Variants in ARSK observed in about 807,000 individuals in gnomAD.
The protein encoded by ARSK is arylsulfatase family member K.
In ARSK, 37 loss-of-function variants were observed where a neutral mutation model predicts 53.2. The ratio of observed to expected loss-of-function variants is 0.70; its 90% CI spans 0.54 to 0.92. The LOEUF (loss-of-function observed/expected upper bound fraction) is 0.92. Ranked by LOEUF, ARSK falls within the 40% of genes least tolerant of loss-of-function variation. The pLI, the probability that ARSK is intolerant of heterozygous loss-of-function variation, is 0.00. For synonymous variants in ARSK, 208 were observed against 223.2 expected (o/e 0.93, Z 0.61); for missense variants, 613 against 643.0 (o/e 0.95, Z 0.51).
chr5:95,557,855 A>G (rs1748552440), intron 1 of ARSK, among the ~76,000 whole-genome samples: 1 of 152,260 alleles, frequency 6.6e-6, no homozygotes, highest in Non-Finnish European at 1.5e-5. Flanking sequence ...TAAACTATAC[A>G]TAAAAACTAT....
At chr5:95,600,583 A>T in intron 6 of ARSK, 2 of 602,554 alleles carry the variant, frequency 3.3e-6, no homozygotes, top group Non-Finnish European at 6.2e-6. Context: ...ACCTAAAATG[A>T]ACCTAATAAA....
At position 95,583,065 on chromosome 5, in the gene ARSK, A is replaced by G. The variant is rs765909660; in HGVS notation, c.566A>G (p.Lys189Arg). ...NTDKAVNWLR[K>R]EAINYTEPFV... The stretch of plus-strand genomic sequence containing the variant: ...GACAAAGCAGTAAACTGGTTAAGAA[A>G]GGAAGCAATTAATTACACTGAACCA... The change falls in exon 4 of 8, where the codon AAG becomes AGG. Residue 189 changes from lysine (K) to arginine (R), a missense_variant. By Grantham distance (26) the Lys-to-Arg change is conservative. Coordinates refer to ENST00000380009, the MANE Select transcript of ARSK (RefSeq NM_198150.3). 1.2e-5 allele frequency: 19 copies of G among 1,613,760 alleles called. No homozygotes were observed. The Admixed American group carries it at 2.8e-4, about 24-fold the overall frequency.
At chr5:95,589,136 C>T (rs918004558) in intron 5 of ARSK, among the ~76,000 whole-genome samples, 1 of 152,226 alleles carries the variant, frequency 6.6e-6, no homozygotes, top group Non-Finnish European at 1.5e-5. Flanking sequence ...TCTTCCCCAA[C>T]CACTCTAACT....
intron 2 of ARSK, 47 bp downstream of exon 2, chr5:95,566,174 A>G (rs1240565027): frequency 1.3e-6 from 2 of 1,592,238 alleles, no homozygotes; most frequent in Admixed American, 1.8e-5. Context: ...TACACACTGA[A>G]AATATATTCA....
At chr5:95,591,707 G>A in intron 6 of ARSK, 82 bp downstream of exon 6, 3 of 1,388,968 alleles carry the variant, frequency 2.2e-6, no homozygotes, top group African/African-American at 1.4e-5. Context: ...CAGTCTTTCA[G>A]TTAGTAGTCA....
At chr5:95,560,963 C>T (rs747906049) in intron 1 of ARSK, among the ~76,000 whole-genome samples, 1 of 152,094 alleles carries the variant, frequency 6.6e-6, no homozygotes, top group East Asian at 1.9e-4. Context: ...CGCCACCACA[C>T]CCAGATAATT....
chr5:95,600,976 G>A lies in ARSK; in HGVS notation c.1226G>A (p.Gly409Glu), dbSNP rs779878421. The A allele has an allele frequency of 6.2e-7, 1 of 1,613,940 alleles. No individual in the cohort carries two copies. The highest frequency in any genetic ancestry group is 1.7e-5 in the Admixed American group (1 of 60,000). The change falls in exon 7 of 8, where the codon GGA (glycine) becomes GAA (glutamate). Residue 409 changes from glycine to glutamate, a missense_variant. By Grantham distance (98) the Gly-to-Glu change is moderately conservative. Transcript: ENST00000380009. The part of the protein sequence containing the change: ...HPPWILSEFH[G>E]CNVNASTYML... ...CCCTGGATTCTGAGTGAATTCCATGGATGTAATGTGAATGCCTCCACCTAC... is the reference window on the plus strand; with the variant it reads ...CCCTGGATTCTGAGTGAATTCCATGAATGTAATGTGAATGCCTCCACCTAC...
Position 95,576,361 on chromosome 5 carries a change from G to A in ARSK, c.417-6555G>A, listed in dbSNP as rs367552482. Among the ~76,000 whole-genome samples the A allele has an allele frequency of 4.0e-5, 6 of 151,620 alleles. No individual in the cohort carries two copies. In the South Asian group the frequency reaches 1.0e-3, roughly 26 times the overall value. On this transcript the variant is annotated intron_variant, in intron 3 of 7. Transcript: ENST00000380009. ...CTATAGGTGCATGCCACTACACCCG[G>A]CTAATTTTTTGTATTTTAGTAGAGA...
chr5:95,557,631 CCTCT>C (rs1748545483), intron 1 of ARSK, among the ~76,000 whole-genome samples: 1 of 152,122 alleles, frequency 6.6e-6, no homozygotes, highest in Admixed American at 6.5e-5. Context: ...TAAAATAATT[CCTCT>C]CTCTATGATT....
chr5:95,558,042 G>A (rs1176898379), intron 1 of ARSK, among the ~76,000 whole-genome samples: 1 of 152,136 alleles, frequency 6.6e-6, no homozygotes, highest in African/African-American at 2.4e-5. Flanking sequence ...AAGAAGATAG[G>A]ACTACTCCCC....
chr5:95,585,372 G>A (rs1293047239), intron 4 of ARSK, among the ~76,000 whole-genome samples: 2 of 152,158 alleles, frequency 1.3e-5, no homozygotes, highest in African/African-American at 4.8e-5. Flanking sequence ...TTGCTCTCAC[G>A]TGTTTATAGC....
chr5:95,600,897 C>T lies in ARSK; in HGVS notation c.1147C>T (p.Pro383Ser), dbSNP rs1306312018. The T allele has an allele frequency of 1.1e-5, 18 of 1,613,938 alleles. No individual in the cohort carries two copies. In the Admixed American group the frequency reaches 2.2e-4, roughly 19 times the overall value. Residue 383 changes from proline (P) to serine (S), a missense_variant, in exon 7 of 8, where the codon CCG becomes TCG. Physicochemically the swap from Pro to Ser is moderately conservative, Grantham distance 74. Coordinates refer to ENST00000380009, the MANE Select transcript of ARSK (RefSeq NM_198150.3). ...GAACCTGAGTGGATACTCTTTGTTGCCGTTATCATCAGAAACATTTAAGAA... is the reference window on the plus strand; with the variant it reads ...GAACCTGAGTGGATACTCTTTGTTGTCGTTATCATCAGAAACATTTAAGAA... Reference protein sequence around the residue: ...PQNLSGYSLLPLSSETFKNEH... With the variant: ...PQNLSGYSLLSLSSETFKNEH...
At position 95,556,440 on chromosome 5, in the gene ARSK, T is replaced by A. The variant is rs964391752; in HGVS notation, c.126+1036T>A. The A allele has an allele frequency of 1.1e-5, 6 of 561,672 alleles. No individual in the cohort carries two copies. In the African/African-American group the frequency reaches 1.1e-4, roughly 11 times the overall value. 34.8% of individuals were successfully genotyped at this position (561,672 alleles called of 1,614,324 possible). ...TTATGAATGACAGTTCTCAAACTAGTATGGTGCTTCAGAGCTGCTTTCCAA... is the reference window on the plus strand; with the variant it reads ...TTATGAATGACAGTTCTCAAACTAGAATGGTGCTTCAGAGCTGCTTTCCAA... On this transcript the variant is annotated intron_variant, in intron 1 of 7. Coordinates refer to ENST00000380009, the MANE Select transcript of ARSK (RefSeq NM_198150.3).
rs528952446 is a variant in ARSK, at chr5:95,597,078, G to A, written c.1097-3769G>A. On this transcript the variant is annotated intron_variant, in intron 6 of 7. Coordinates refer to ENST00000380009, the MANE Select transcript of ARSK (RefSeq NM_198150.3). The stretch of plus-strand genomic sequence containing the variant: ...TGAGATTATTTAAAAATTACTTCCC[G>A]AAATATTTTCTTCTCTAATACCTGG... Among the ~76,000 whole-genome samples, 9 of 151,966 alleles carry A rather than the reference G, an allele frequency of 5.9e-5. No homozygotes were observed. The South Asian group carries it at 6.2e-4, about 11-fold the overall frequency.
chr5:95,556,830 A>G (rs1008843330), intron 1 of ARSK: 8 of 151,970 alleles, frequency 5.3e-5, no homozygotes, highest in African/African-American at 1.9e-4. Context: ...TAACACAGTG[A>G]AACCCCGTCT....
chr5:95,598,631 G>C (rs1749349968), intron 6 of ARSK, among the ~76,000 whole-genome samples: 1 of 152,110 alleles, frequency 6.6e-6, no homozygotes, highest in Non-Finnish European at 1.5e-5. Context: ...GTGTCAGACT[G>C]TCACACCTCT....
intron 3 of ARSK, among the ~76,000 whole-genome samples, chr5:95,580,672 T>C (rs937215462): frequency 3.9e-5 from 6 of 152,170 alleles, no homozygotes; most frequent in African/African-American, 1.4e-4. Flanking sequence ...ACTCCTCTTA[T>C]TGTGTTTCAT....
At chr5:95,578,153 A>G (rs1748957607) in intron 3 of ARSK, among the ~76,000 whole-genome samples, 1 of 151,806 alleles carries the variant, frequency 6.6e-6, no homozygotes, top group Non-Finnish European at 1.5e-5. Context: ...CAAATTTGAG[A>G]GAAGAATTTT....
intron 5 of ARSK, among the ~76,000 whole-genome samples, chr5:95,590,552 G>T (rs139614170): frequency 1.3e-5 from 2 of 152,210 alleles, no homozygotes; most frequent in Non-Finnish European, 2.9e-5. Flanking sequence ...AATTCCAGTT[G>T]TCCAGTTGAA....
Sources: gnomAD v4.1 joint callset for allele counts (sites outside exome capture counted in the v4.1 genomes callset) on GRCh38, gnomAD v4.1.1 for gene constraint, MANE v1.5 for transcripts, NCBI Gene and HGNC (gene_info 2026-07-23, HGNC 2026-07-21) for gene names.